Variants in POLA1 observed in about 807,000 individuals in gnomAD.
POLA1 encodes DNA polymerase alpha catalytic subunit.
In POLA1, 15 loss-of-function variants were observed where a neutral mutation model predicts 124.0. The ratio of observed to expected loss-of-function variants is 0.12; its 90% CI spans 0.08 to 0.19. POLA1 has a LOEUF of 0.19. Ranked by LOEUF, POLA1 falls within the 10% of genes least tolerant of loss-of-function variation. The pLI is 1.00. For synonymous variants in POLA1, 408 were observed against 389.4 expected (o/e 1.05, Z -0.56); for missense variants, 886 against 1,103.4 (o/e 0.80, Z 2.79).
intron 35 of POLA1, among the ~76,000 whole-genome samples, chrX:24,920,248 C>T (rs1337610032): frequency 9.0e-6 from 1 of 111,492 alleles, no homozygotes; most frequent in Non-Finnish European, 1.9e-5. Flanking sequence ...ATTAAGTTGA[C>T]ACATTAGACG....
At chrX:24,951,350 C>A (rs978556687) in intron 36 of POLA1, among the ~76,000 whole-genome samples, 1 of 74,677 alleles carries the variant, frequency 1.3e-5, no homozygotes, top group Non-Finnish European at 2.5e-5. Context: ...CCTACCCCCC[C>A]CCCCCCCCAC....
At position 24,912,518 on chromosome X, in the gene POLA1, A is replaced by G. The variant is rs1025790930; in HGVS notation, c.4165-17935A>G. Among the ~76,000 whole-genome samples, 4 of 112,165 alleles carry G rather than the reference A, an allele frequency of 3.6e-5. No homozygotes were observed. The East Asian group carries it at 1.1e-3, about 31-fold the overall frequency. Reference sequence around the variant, plus strand: ...AAAGAACTCTCAAAACTCAACAGTAAAACAAGCAATCCAATTTAAAAAAAA... The same window carrying G: ...AAAGAACTCTCAAAACTCAACAGTAGAACAAGCAATCCAATTTAAAAAAAA... On this transcript the variant is annotated intron_variant, in intron 35 of 36. Transcript: ENST00000379068.
chrX:24,913,734 A>C (rs778703780), intron 35 of POLA1, among the ~76,000 whole-genome samples: 1 of 105,155 alleles, frequency 9.5e-6, no homozygotes, highest in Non-Finnish European at 1.9e-5. Flanking sequence ...CAAAAAAAAA[A>C]CAGTCATGGT....
At chrX:24,868,821 A>G (rs187738271) in intron 34 of POLA1, among the ~76,000 whole-genome samples, 108 of 112,392 alleles carry the variant, frequency 9.6e-4, no homozygotes, top group Non-Finnish European at 1.8e-3. Context: ...ATCACTAGGC[A>G]GTGGCTCCAC....
At position 24,957,472 on chromosome X, in the gene POLA1, G is replaced by A. The variant is rs1309993681; in HGVS notation, c.4261+26923G>A. Among the ~76,000 whole-genome samples, 7 of 111,019 alleles carry A rather than the reference G, an allele frequency of 6.3e-5. No individual in the cohort carries two copies. The East Asian group carries it at 2.0e-3, about 31-fold the overall frequency. ...CCAGCAATTCCATTTCTAGGTGTAT[G>A]CCCTAGAGACAGACACCACCCCCAA... On this transcript the variant is annotated intron_variant, in intron 36 of 36. Transcript: ENST00000379068.
intron 4 of POLA1, among the ~76,000 whole-genome samples, chrX:24,710,664 G>GT (rs1191270484): frequency 0.011 from 990 of 86,563 alleles, 9 homozygotes; most frequent in East Asian, 0.036. Context: ...ATATGTTGTG[G>GT]TTTTTTTTTT....
intron 35 of POLA1, among the ~76,000 whole-genome samples, chrX:24,906,035 G>C (rs966427757): frequency 8.9e-6 from 1 of 112,078 alleles, no homozygotes; most frequent in Non-Finnish European, 1.9e-5. Context: ...GTGGTGAAAA[G>C]GGAGCACTCT....
chrX:24,815,239 A>G (rs1250383721), intron 30 of POLA1, 128 bp downstream of exon 30: 3 of 590,543 alleles, frequency 5.1e-6, no homozygotes, highest in African/African-American at 4.6e-5. Flanking sequence ...CTGCTTAACA[A>G]CTATCTCACA....
intron 4 of POLA1, 123 bp from the exon 5 acceptor site, chrX:24,714,431 C>T: frequency 2.2e-6 from 1 of 450,088 alleles, no homozygotes; most frequent in South Asian, 4.0e-5. Context: ...GCTGGGAATA[C>T]AGGCATGATG....
At chrX:24,715,376 C>T (rs914267363) in intron 6 of POLA1, among the ~76,000 whole-genome samples, 173 bp downstream of exon 6, 2 of 111,521 alleles carry the variant, frequency 1.8e-5, no homozygotes, top group Non-Finnish European at 3.8e-5. Flanking sequence ...GTTGCAACCT[C>T]TGATTCCCAG....
chrX:24,821,896 A>G (rs769288445), intron 31 of POLA1, among the ~76,000 whole-genome samples: 17 of 112,263 alleles, frequency 1.5e-4, no homozygotes, highest in South Asian at 3.7e-4. Context: ...CATTATAAAT[A>G]TCAGTGGAAT....
intron 26 of POLA1, among the ~76,000 whole-genome samples, chrX:24,795,117 A>C (rs1334421339): frequency 9.0e-6 from 1 of 110,893 alleles, no homozygotes; most frequent in Non-Finnish European, 1.9e-5. Context: ...GGACCGATTG[A>C]CTAGGAAACT....
At chrX:24,736,547 C>G (rs1602305718) in intron 18 of POLA1, among the ~76,000 whole-genome samples, 1 of 111,950 alleles carries the variant, frequency 8.9e-6, no homozygotes, top group East Asian at 2.8e-4. Context: ...AGATGGAATT[C>G]TGACATGAAT....
At chrX:24,935,075 C>T (rs1304746361) in intron 36 of POLA1, among the ~76,000 whole-genome samples, 2 of 111,697 alleles carry the variant, frequency 1.8e-5, no homozygotes, top group East Asian at 5.6e-4. Context: ...TCCCTCTGTA[C>T]CTAATCTCCT....
rs748547990 is a variant in POLA1, at chrX:24,829,902, A to G, written c.3736+3301A>G. Among the ~76,000 whole-genome samples, 29 of 112,469 alleles carry G rather than the reference A, an allele frequency of 2.6e-4. 1 individual carries two copies. Among genetic ancestry groups the G allele is most frequent in the Non-Finnish European group, 2.1e-4 (11 of 53,328 alleles). On this transcript the variant is annotated intron_variant, in intron 32 of 36. Transcript: ENST00000379068. ...TAAAAAAACTGCAGCTAGTGAACTG[A>G]CACCGTTAAATAAGTTGAAGTATAC...
At chrX:24,783,713 A>G (rs758278064) in intron 26 of POLA1, among the ~76,000 whole-genome samples, 2 of 112,228 alleles carry the variant, frequency 1.8e-5, no homozygotes, top group East Asian at 2.8e-4. Flanking sequence ...CATTCTTAAA[A>G]TATATCCCAA....
At chrX:24,745,643 A>C (rs1169751277) in intron 24 of POLA1, 101 bp downstream of exon 24, 1 of 517,291 alleles carries the variant, frequency 1.9e-6, no homozygotes, top group Non-Finnish European at 3.2e-6. Context: ...GGTATTATTC[A>C]TATACCATAT....
chrX:24,868,466 G>A (rs911384909), intron 34 of POLA1, among the ~76,000 whole-genome samples: 2 of 111,912 alleles, frequency 1.8e-5, no homozygotes, highest in South Asian at 3.8e-4. Flanking sequence ...GAAATGTGAA[G>A]CATAACATTA....
chrX:24,702,287 T>G (rs1328330251), intron 2 of POLA1, among the ~76,000 whole-genome samples: 1 of 110,625 alleles, frequency 9.0e-6, no homozygotes, highest in Non-Finnish European at 1.9e-5. Context: ...CAGGCTGGCC[T>G]CAAACTCCTG....
Sources: gnomAD v4.1 joint callset for allele counts (sites outside exome capture counted in the v4.1 genomes callset) on GRCh38, gnomAD v4.1.1 for gene constraint, MANE v1.5 for transcripts, NCBI Gene and HGNC (gene_info 2026-07-23, HGNC 2026-07-21) for gene names.